The following FSTL5 variants were observed in gnomAD, a reference collection of about 807,000 sequenced individuals.
FSTL5 encodes the protein follistatin like 5, also known as follistatin-related protein 5.
Under a neutral mutation model 89.1 loss-of-function variants are expected in FSTL5, and 62 were observed. That is an observed-to-expected ratio of 0.70 (90% CI 0.57 to 0.86). FSTL5 has a LOEUF of 0.86. Ranked by LOEUF, FSTL5 falls within the 40% of genes least tolerant of loss-of-function variation. FSTL5 has a pLI of 0.00. For synonymous variants in FSTL5, 383 were observed against 346.2 expected (o/e 1.11, Z -1.18); for missense variants, 1,057 against 1,001.6 (o/e 1.06, Z -0.75).
intron 5 of FSTL5, among the ~76,000 whole-genome samples, chr4:161,760,160 C>T (rs868699409): frequency 2.0e-5 from 3 of 152,092 alleles, no homozygotes; most frequent in Admixed American, 6.5e-5. Context: ...TCTATCCAGG[C>T]GTGAGTGAAG....
intron 6 of FSTL5, among the ~76,000 whole-genome samples, chr4:161,715,922 A>G (rs1468490507): frequency 6.6e-6 from 1 of 152,232 alleles, no homozygotes; most frequent in Non-Finnish European, 1.5e-5. Context: ...GCCACTGCCA[A>G]TCTTGCTCTC....
At chr4:161,959,219 A>C (rs979204480) in intron 3 of FSTL5, among the ~76,000 whole-genome samples, 2 of 152,164 alleles carry the variant, frequency 1.3e-5, no homozygotes, top group South Asian at 4.1e-4. Flanking sequence ...TCATTATTAC[A>C]TAAAAGGTGA....
chr4:162,112,120 T>C (rs546336399), intron 1 of FSTL5, among the ~76,000 whole-genome samples: 15 of 152,314 alleles, frequency 9.8e-5, no homozygotes, highest in African/African-American at 3.1e-4. Context: ...CATACAAATC[T>C]AAGCTTTGAG....
intron 3 of FSTL5, among the ~76,000 whole-genome samples, chr4:161,970,627 G>C (rs1735457166): frequency 6.6e-6 from 1 of 151,932 alleles, no homozygotes; most frequent in South Asian, 2.1e-4. Context: ...TCTGTGCAGT[G>C]GAAAACAGAG....
At chr4:161,720,856 G>A (rs1739174490) in intron 6 of FSTL5, among the ~76,000 whole-genome samples, 1 of 152,154 alleles carries the variant, frequency 6.6e-6, no homozygotes, top group Non-Finnish European at 1.5e-5. Flanking sequence ...ATTGCCAGGG[G>A]TTGTGGGGAG....
intron 15 of FSTL5, among the ~76,000 whole-genome samples, chr4:161,433,629 T>G (rs922422335): frequency 2.6e-5 from 4 of 152,276 alleles, no homozygotes; most frequent in Admixed American, 6.5e-5. Flanking sequence ...TATCCTTGTA[T>G]GCAGATGATA....
At chr4:161,878,300 C>A (rs1732514330) in intron 4 of FSTL5, among the ~76,000 whole-genome samples, 1 of 151,996 alleles carries the variant, frequency 6.6e-6, no homozygotes, top group African/African-American at 2.4e-5. Flanking sequence ...CTCTTTTCTA[C>A]TTGGGTTGCG....
At chr4:162,116,741 G>A (rs1731657784) in intron 1 of FSTL5, among the ~76,000 whole-genome samples, 1 of 152,202 alleles carries the variant, frequency 6.6e-6, no homozygotes, top group Non-Finnish European at 1.5e-5. Context: ...CAAGGGAAAA[G>A]AGCCCGCGAG....
intron 2 of FSTL5, among the ~76,000 whole-genome samples, chr4:162,038,252 T>C (rs1179907080): frequency 1.3e-5 from 2 of 151,948 alleles, no homozygotes; most frequent in Admixed American, 6.6e-5. Flanking sequence ...CATTGTACTA[T>C]GCTATTTCTT....
intron 15 of FSTL5, among the ~76,000 whole-genome samples, chr4:161,392,970 C>A (rs575917276): frequency 6.6e-6 from 1 of 152,122 alleles, no homozygotes; most frequent in Admixed American, 6.5e-5. Context: ...TCAAGACCAG[C>A]CTGGCCAACA....
At position 161,834,614 on chromosome 4, in the gene FSTL5, C is replaced by T. The variant is rs531492076; in HGVS notation, c.410-58540G>A. Among the ~76,000 whole-genome samples, 1,145 of 152,210 alleles carry T rather than the reference C, an allele frequency of 7.5e-3. 9 individuals carry two copies. Among genetic ancestry groups the T allele is most frequent in the Non-Finnish European group, 0.012 (826 of 67,996 alleles). The stretch of plus-strand genomic sequence containing the variant: ...GCAACTTCAGCAAAGTCTCAGGATA[C>T]AAAATCAATGTACAAAAATCACAAG... On this transcript the variant is annotated intron_variant, in intron 4 of 15. Transcript: ENST00000306100.
chr4:161,396,640 C>T (rs573064517), intron 15 of FSTL5, among the ~76,000 whole-genome samples: 1 of 141,510 alleles, frequency 7.1e-6, no homozygotes. Context: ...GGTGACAGAG[C>T]AACACTCTGT....
intron 4 of FSTL5, among the ~76,000 whole-genome samples, chr4:161,908,452 G>A (rs942296437): frequency 6.6e-6 from 1 of 151,972 alleles, no homozygotes; most frequent in Non-Finnish European, 1.5e-5. Flanking sequence ...AATTTATAAA[G>A]TTAATATATA....
At chr4:161,451,483 C>G (rs1163563971) in intron 15 of FSTL5, among the ~76,000 whole-genome samples, 1 of 152,134 alleles carries the variant, frequency 6.6e-6, no homozygotes, top group Non-Finnish European at 1.5e-5. Context: ...TGCAAATAAT[C>G]AACAGGGAGC....
Position 161,759,504 on chromosome 4 carries a change from C to T in FSTL5, c.634G>A (p.Asp212Asn), listed in dbSNP as rs1221954301. Residue 212 changes from aspartate (D) to asparagine (N), a missense_variant, in exon 6 of 16, where the codon GAT becomes AAT. Asp to Asn is a conservative substitution (Grantham distance 23). Transcript: ENST00000306100. ...ACATACAAAGTACAATCAAAGAGAT[C>T]CTTGCCAAGTTCTTCCTGTTTTATC... ...QVIKQEELGKDLFDCTLYVLL... is the reference protein window; with the variant it reads ...QVIKQEELGKNLFDCTLYVLL... 1.3e-6 allele frequency: 2 copies of T among 1,572,034 alleles called. No homozygotes were observed. The highest frequency in any genetic ancestry group is 1.7e-6 in the Non-Finnish European group (2 of 1,159,186).
rs142395814 is a variant in FSTL5 at position 161,510,313 on chromosome 4, G to A, written c.1339+85C>T. The A allele has an allele frequency of 7.5e-4, 605 of 807,936 alleles. 2 individuals carry two copies. In the African/African-American group the frequency reaches 0.01, roughly 13 times the overall value. 50.0% of individuals were successfully genotyped at this position (807,936 alleles called of 1,614,324 possible). Reference sequence around the variant, plus strand: ...ATATTGAATCAAAATGAAAAAGAAGGTAATTAATGATACAAAATATAATCA... The same window carrying A: ...ATATTGAATCAAAATGAAAAAGAAGATAATTAATGATACAAAATATAATCA... On this transcript the variant is annotated intron_variant, in intron 11 of 15. Coordinates refer to ENST00000306100, the MANE Select transcript of FSTL5 (RefSeq NM_020116.5).
intron 7 of FSTL5, among the ~76,000 whole-genome samples, chr4:161,627,520 G>C (rs1345156891): frequency 6.6e-6 from 1 of 152,004 alleles, no homozygotes; most frequent in Non-Finnish European, 1.5e-5. Context: ...TTAATGTGAT[G>C]GTCTATAACC....
chr4:161,573,826 G>C (rs67595414), intron 8 of FSTL5, among the ~76,000 whole-genome samples: 1 of 148,268 alleles, frequency 6.7e-6, no homozygotes, highest in African/African-American at 2.5e-5. Context: ...AGACAGAAAA[G>C]AAAAGAATAA....
chr4:162,110,880 A>G (rs938193428), intron 2 of FSTL5, among the ~76,000 whole-genome samples: 5 of 151,794 alleles, frequency 3.3e-5, no homozygotes, highest in African/African-American at 1.2e-4. Context: ...TTTTTTGTTT[A>G]TCTTATAACA....
Sources: allele counts gnomAD v4.1 joint callset (sites outside exome capture counted in the v4.1 genomes callset), GRCh38; gene constraint gnomAD v4.1.1; transcripts MANE v1.5; gene names NCBI Gene and HGNC (gene_info 2026-07-23, HGNC 2026-07-21).